Variants in BCAR3 observed in about 807,000 individuals in gnomAD.
BCAR3 encodes the protein breast cancer anti-estrogen resistance protein 3.
A neutral mutation model predicts 80.1 loss-of-function variants in BCAR3; 37 were observed. That is an observed-to-expected ratio of 0.46 (90% confidence interval 0.36 to 0.61). BCAR3 has a LOEUF of 0.61. Ranked by LOEUF, BCAR3 falls within the 20% of genes least tolerant of loss-of-function variation. The probability of loss-of-function intolerance (pLI) is 0.00; values close to 1 mark genes in which losing one functional copy is unlikely to be tolerated. For synonymous variants in BCAR3, 389 were observed against 418.9 expected, an observed-to-expected ratio of 0.93 and a Z score of 0.87; for missense variants, 978 against 1,068.2, an observed-to-expected ratio of 0.92 and a Z score of 1.18.
chr1:93,700,456 T>C (rs1649600149), intron 3 of BCAR3, among the ~76,000 whole-genome samples: 2 of 152,348 alleles, frequency 1.3e-5, no homozygotes, highest in Non-Finnish European at 2.9e-5. Context: ...CATGAGCCAC[T>C]GCGCCTGGCC....
intron 3 of BCAR3, among the ~76,000 whole-genome samples, chr1:93,609,562 T>A (rs1179098805): frequency 6.6e-6 from 1 of 152,180 alleles, no homozygotes; most frequent in East Asian, 1.9e-4. Context: ...TCCACAAAAA[T>A]ACCTAAATAA....
chr1:93,609,000 C>T (rs770417167), intron 3 of BCAR3, among the ~76,000 whole-genome samples: 4 of 152,140 alleles, frequency 2.6e-5, no homozygotes, highest in South Asian at 4.1e-4. Flanking sequence ...AAGCTGTCAC[C>T]GTAACAGACA....
intron 2 of BCAR3, chr1:93,752,784 C>T (rs1332147191): frequency 6.6e-6 from 1 of 152,194 alleles, no homozygotes; most frequent in Non-Finnish European, 1.5e-5. Flanking sequence ...AAGAGAGTGC[C>T]TCCTTCACCA....
chr1:93,585,447 A>ACTTT (rs10677662), intron 5 of BCAR3, among the ~76,000 whole-genome samples: 32,269 of 152,044 alleles, frequency 0.21, 3,897 homozygotes, highest in African/African-American at 0.31. Flanking sequence ...GACTTAAGAG[A>ACTTT]CTTAGTCTTT....
In BCAR3 at chr1:93,584,089, C is replaced by T. The variant is rs779919718; in HGVS notation, c.962G>A (p.Cys321Tyr). The T allele has an allele frequency of 2.5e-6, 4 of 1,614,112 alleles. No homozygotes were observed. The South Asian group carries it at 4.4e-5, about 18-fold the overall frequency. Residue 321 changes from cysteine to tyrosine, a missense_variant, in exon 6 of 12, where the codon TGC becomes TAC. Coordinates refer to ENST00000260502, the MANE Select transcript of BCAR3 (RefSeq NM_003567.4). The part of the protein sequence containing the change: ...NKEKSGSQPA[C>Y]LDHMQDRRAL... ...TCTTCTGTCCTGCATGTGATCCAGG[C>T]AGGCGGGCTGGCTACCACTCTTTTC...
chr1:93,717,706 C>T (rs558532416), intron 2 of BCAR3, among the ~76,000 whole-genome samples: 5 of 137,868 alleles, frequency 3.6e-5, no homozygotes, highest in South Asian at 2.3e-4. Context: ...CCAGCCTGCA[C>T]GAGACTCCAC....
chr1:93,818,221 AAGG>A (rs954805578), intron 2 of BCAR3, among the ~76,000 whole-genome samples: 10 of 152,228 alleles, frequency 6.6e-5, no homozygotes, highest in Admixed American at 1.3e-4. Flanking sequence ...TTACACACAC[AAGG>A]AGTTCAGAAA....
At chr1:93,833,571 T>C (rs11165016) in intron 2 of BCAR3, among the ~76,000 whole-genome samples, 47,883 of 152,032 alleles carry the variant, frequency 0.31, 10,917 homozygotes, top group African/African-American at 0.65. Context: ...AAGCCTCCCC[T>C]GGGAATGCAT....
intron 7 of BCAR3, among the ~76,000 whole-genome samples, chr1:93,576,727 T>C (rs1673475169): frequency 6.6e-6 from 1 of 152,256 alleles, no homozygotes; most frequent in African/African-American, 2.4e-5. Context: ...CTGAGAGGCT[T>C]TTCTTAAAAT....
At chr1:93,739,854 G>C (rs1303737385) in intron 2 of BCAR3, among the ~76,000 whole-genome samples, 1 of 152,068 alleles carries the variant, frequency 6.6e-6, no homozygotes, top group Non-Finnish European at 1.5e-5. Flanking sequence ...GGCCAACATG[G>C]TGAAACCCCG....
At chr1:93,788,834 C>G (rs537825426) in intron 2 of BCAR3, among the ~76,000 whole-genome samples, 16 of 152,298 alleles carry the variant, frequency 1.1e-4, no homozygotes, top group African/African-American at 3.9e-4. Context: ...TCCCAACTAC[C>G]ACCCAGAGTC....
chr1:93,689,462 C>T (rs571885162), intron 3 of BCAR3, among the ~76,000 whole-genome samples: 9 of 150,360 alleles, frequency 6.0e-5, no homozygotes, highest in East Asian at 2.0e-4. Flanking sequence ...ACCTGGGAGA[C>T]GGAGGTAGCA....
At chr1:93,771,862 T>C (rs1652365945) in intron 2 of BCAR3, among the ~76,000 whole-genome samples, 1 of 152,138 alleles carries the variant, frequency 6.6e-6, no homozygotes, top group Admixed American at 6.5e-5. Context: ...TACCCAAATA[T>C]AGCACATCAT....
At chr1:93,698,561 C>T (rs1328000994) in intron 3 of BCAR3, among the ~76,000 whole-genome samples, 2 of 152,168 alleles carry the variant, frequency 1.3e-5, no homozygotes, top group African/African-American at 4.8e-5. Flanking sequence ...ACCCCAACCA[C>T]GAGGCCTCCG....
At chr1:93,637,097 AAAAAC>A (rs1294217803) in intron 3 of BCAR3, among the ~76,000 whole-genome samples, 1 of 151,952 alleles carries the variant, frequency 6.6e-6, no homozygotes, top group Admixed American at 6.6e-5. Flanking sequence ...CCCTGTCTCA[AAAAAC>A]AAAACAAACA....
chr1:93,766,185 G>A (rs931663042), intron 2 of BCAR3, among the ~76,000 whole-genome samples: 1 of 152,302 alleles, frequency 6.6e-6, no homozygotes. Context: ...AGATGTGTGG[G>A]ATAGTCAGTT....
chr1:93,662,353 T>C (rs1011082719), intron 2 of BCAR3, among the ~76,000 whole-genome samples: 3 of 152,228 alleles, frequency 2.0e-5, no homozygotes, highest in Non-Finnish European at 4.4e-5. Context: ...AACCCCATAC[T>C]TTCATTTGTA....
intron 3 of BCAR3, among the ~76,000 whole-genome samples, chr1:93,607,210 C>T (rs1674796570): frequency 6.6e-6 from 1 of 152,084 alleles, no homozygotes; most frequent in South Asian, 2.1e-4. Context: ...TGCAATATAT[C>T]CATGTACAAA....
intron 3 of BCAR3, among the ~76,000 whole-genome samples, chr1:93,597,985 A>G (rs1674486769): frequency 6.6e-6 from 1 of 152,232 alleles, no homozygotes; most frequent in Non-Finnish European, 1.5e-5. Context: ...GGCCCCAGCA[A>G]GTCCAGTCTT....
Sources: allele counts gnomAD v4.1 joint callset (sites outside exome capture counted in the v4.1 genomes callset), GRCh38; gene constraint gnomAD v4.1.1; transcripts MANE v1.5; gene names NCBI Gene and HGNC (gene_info 2026-07-23, HGNC 2026-07-21).